GAB4: variants seen among roughly 807,000 people sequenced by gnomAD.
The protein encoded by GAB4 is GRB2-associated-binding protein 4.
GAB4 carries 26 observed loss-of-function variants against 51.3 expected under a neutral mutation model. The observed-to-expected ratio is 0.51, with a 90% CI of 0.37 to 0.70. The LOEUF (loss-of-function observed/expected upper bound fraction) is 0.70. GAB4 is among the 30% of genes least tolerant of loss of function. The pLI is 0.00. For missense variants in GAB4, 759 were observed against 734.6 expected, an observed-to-expected ratio of 1.03 and a Z score of -0.38; for synonymous variants, 329 against 291.2, an observed-to-expected ratio of 1.13 and a Z score of -1.32.
intron 3 of GAB4, among the ~76,000 whole-genome samples, chr22:16,981,059 T>C (rs1454192442): frequency 1.3e-5 from 2 of 152,104 alleles, no homozygotes; most frequent in African/African-American, 4.8e-5. Context: ...TTAATGTAGA[T>C]GATGGGTTGA....
rs573219358 is a variant in GAB4, at chr22:16,979,989, C to T, written c.686+7971G>A. ...GAACTGAAACTGGACCGCTTCCTTA[C>T]ACCTTATACAAAAATTAACTCAAGA... On this transcript the variant is annotated intron_variant, in intron 3 of 9. Coordinates refer to ENST00000400588, the MANE Select transcript of GAB4 (RefSeq NM_001037814.1). Among the ~76,000 whole-genome samples, 25 of 152,294 alleles carry T rather than the reference C, an allele frequency of 1.6e-4. No homozygotes were observed. The South Asian group carries it at 5.2e-3, about 32-fold the overall frequency.
At chr22:16,993,336 G>A (rs1444200320) in intron 1 of GAB4, among the ~76,000 whole-genome samples, 1 of 152,102 alleles carries the variant, frequency 6.6e-6, no homozygotes, top group African/African-American at 2.4e-5. Context: ...GTACCTCATA[G>A]TTTTATTATG....
At chr22:17,005,052 A>C (rs1406272620) in intron 1 of GAB4, among the ~76,000 whole-genome samples, 1 of 152,238 alleles carries the variant, frequency 6.6e-6, no homozygotes, top group Non-Finnish European at 1.5e-5. Context: ...GAAGAGAGGA[A>C]GTTAAATTGT....
At chr22:17,007,346 T>C (rs956037234) in intron 1 of GAB4, among the ~76,000 whole-genome samples, 1 of 151,856 alleles carries the variant, frequency 6.6e-6, no homozygotes, top group African/African-American at 2.4e-5. Context: ...TACACTGCAG[T>C]GCACACTGTC....
At chr22:16,991,092 C>T (rs1360679037) in intron 2 of GAB4, among the ~76,000 whole-genome samples, 1 of 152,152 alleles carries the variant, frequency 6.6e-6, no homozygotes. Context: ...ACCCTTGCTA[C>T]TCAAAATGAA....
intron 1 of GAB4, among the ~76,000 whole-genome samples, chr22:16,996,710 G>C (rs757774410): frequency 6.6e-6 from 1 of 151,890 alleles, no homozygotes; most frequent in East Asian, 1.9e-4. Flanking sequence ...TGCGCAAAAC[G>C]TGCAGGTTTG....
intron 3 of GAB4, among the ~76,000 whole-genome samples, chr22:16,982,934 T>A (rs1487831899): frequency 1.3e-5 from 2 of 152,138 alleles, no homozygotes; most frequent in Non-Finnish European, 2.9e-5. Flanking sequence ...GCCCAGGGCA[T>A]AAAACCCCTC....
intron 3 of GAB4, among the ~76,000 whole-genome samples, chr22:16,973,882 C>A (rs1161733690): frequency 6.6e-6 from 1 of 152,248 alleles, no homozygotes; most frequent in African/African-American, 2.4e-5. Flanking sequence ...TCTCTCTACT[C>A]CTAGCCAACC....
chr22:16,963,924 G>A (rs1569087233), intron 8 of GAB4, 95 bp from the exon 9 acceptor site: 4 of 902,226 alleles, frequency 4.4e-6, no homozygotes, highest in Non-Finnish European at 7.1e-6. Context: ...CGAGCCCACT[G>A]GGTCCTACTC....
chr22:16,983,077 T>C (rs1210223413), intron 3 of GAB4, among the ~76,000 whole-genome samples: 6 of 152,208 alleles, frequency 3.9e-5, no homozygotes, highest in African/African-American at 1.4e-4. Context: ...TAGAAGAACA[T>C]GTTTCCATTA....
At chr22:16,979,554 G>C (rs1487342469) in intron 3 of GAB4, among the ~76,000 whole-genome samples, 1 of 152,150 alleles carries the variant, frequency 6.6e-6, no homozygotes, top group Non-Finnish European at 1.5e-5. Context: ...CCATGCTCAT[G>C]GATAGGAAGA....
chr22:16,984,026 A>C (rs1002358815), intron 3 of GAB4, among the ~76,000 whole-genome samples: 2 of 152,234 alleles, frequency 1.3e-5, no homozygotes, highest in African/African-American at 4.8e-5. Context: ...CAATCTACGC[A>C]ATAGGAGAAA....
chr22:16,987,847 T>C, intron 3 of GAB4, 113 bp downstream of exon 3: 1 of 786,744 alleles, frequency 1.3e-6, no homozygotes, highest in South Asian at 1.6e-5. Flanking sequence ...TTTGCTTACC[T>C]GGAAAGATAT....
At chr22:16,982,750 T>C (rs1406659917) in intron 3 of GAB4, among the ~76,000 whole-genome samples, 4 of 152,022 alleles carry the variant, frequency 2.6e-5, no homozygotes, top group Non-Finnish European at 5.9e-5. Flanking sequence ...CTGACTTCTG[T>C]TGGGGAAAAG....
intron 1 of GAB4, among the ~76,000 whole-genome samples, chr22:16,995,257 G>GCGTA (rs1181886405): frequency 1.3e-5 from 2 of 152,150 alleles, no homozygotes; most frequent in Non-Finnish European, 2.9e-5. Flanking sequence ...AATGGAATAC[G>GCGTA]GTTTCCCAAA....
chr22:16,970,892 A>G (rs1173177983), intron 3 of GAB4, among the ~76,000 whole-genome samples: 1 of 152,172 alleles, frequency 6.6e-6, no homozygotes, highest in Non-Finnish European at 1.5e-5. Flanking sequence ...TGGCAACTCT[A>G]TTTGGATAGA....
intron 3 of GAB4, among the ~76,000 whole-genome samples, chr22:16,980,305 A>C (rs996627548): frequency 2.6e-5 from 4 of 152,242 alleles, no homozygotes; most frequent in Admixed American, 2.0e-4. Flanking sequence ...AACTTAAAAC[A>C]AATTTACAAG....
intron 1 of GAB4, among the ~76,000 whole-genome samples, chr22:16,999,995 G>GAC (rs1325894947): frequency 1.3e-5 from 2 of 152,108 alleles, no homozygotes; most frequent in Non-Finnish European, 2.9e-5. Context: ...ATTGCACTGT[G>GAC]GTCTGAGACA....
chr22:16,965,070 C>A, intron 7 of GAB4, 108 bp downstream of exon 7: 1 of 848,274 alleles, frequency 1.2e-6, no homozygotes, highest in Non-Finnish European at 1.9e-6. Context: ...TCAGCCATGT[C>A]CACATCGACA....
Sources: allele counts gnomAD v4.1 joint callset (sites outside exome capture counted in the v4.1 genomes callset), GRCh38; gene constraint gnomAD v4.1.1; transcripts MANE v1.5; gene names NCBI Gene and HGNC (gene_info 2026-07-23, HGNC 2026-07-21).